Variants in ATP10A observed in about 807,000 individuals in gnomAD.
ATP10A encodes phospholipid-transporting ATPase VA.
A neutral mutation model predicts 147.8 loss-of-function variants in ATP10A; 111 were observed. That is an observed-to-expected ratio of 0.75 (90% CI 0.64 to 0.88). The LOEUF is 0.88. Among genes scored for constraint, ATP10A ranks in the 40% least tolerant of loss-of-function variants. The probability of loss-of-function intolerance (pLI) is 0.00; values close to 1 mark genes in which losing one functional copy is unlikely to be tolerated. For synonymous variants in ATP10A, 875 were observed against 841.6 expected (o/e 1.04, Z -0.69); for missense variants, 1,927 against 1,959.0 (o/e 0.98, Z 0.31).
chr15:25,800,992 T>C (rs542460961), intron 1 of ATP10A, among the ~76,000 whole-genome samples: 8 of 152,306 alleles, frequency 5.3e-5, no homozygotes, highest in African/African-American at 1.9e-4. Flanking sequence ...GTTTGGTAAG[T>C]CTGCTCCAGA....
At chr15:25,676,605 G>A (rs984473796), downstream of ATP10A, among the ~76,000 whole-genome samples, 3 of 152,178 alleles carry the variant, frequency 2.0e-5, no homozygotes, top group East Asian at 1.9e-4. Flanking sequence ...TGAGTTTCAC[G>A]TATTTTAAAG....
intron 3 of ATP10A, among the ~76,000 whole-genome samples, chr15:25,732,145 CA>C (rs1476305740): frequency 3.9e-5 from 6 of 152,194 alleles, no homozygotes; most frequent in Non-Finnish European, 7.3e-5. Context: ...GGATTACAGG[CA>C]TGAGCCACTG....
At chr15:25,780,386 C>T (rs1889856536) in intron 2 of ATP10A, among the ~76,000 whole-genome samples, 1 of 152,266 alleles carries the variant, frequency 6.6e-6, no homozygotes, top group South Asian at 2.1e-4. Context: ...CTGAGGGCTC[C>T]TGCCCCTGTC....
At chr15:25,726,132 G>A in intron 4 of ATP10A, 50 bp from the exon 5 acceptor site, 2 of 1,590,340 alleles carry the variant, frequency 1.3e-6, no homozygotes, top group Non-Finnish European at 1.7e-6. Flanking sequence ...GGAGCTAAGG[G>A]ACCAGCTGCA....
chr15:25,736,063 C>T lies in ATP10A; in HGVS notation c.733G>A (p.Gly245Ser), dbSNP rs761166608. The stretch of plus-strand genomic sequence containing the variant: ...CAGACACACGATACTCACATGCAGC[C>T]GCGAAACCTACTCAGGTCGTTGTTT... ...KPNNDLSRFR[G>S]CIIHDNGKKA... The change falls in exon 3 of 21, where the codon GGC (glycine) becomes AGC (serine). Residue 245 changes from glycine (G) to serine (S), a missense_variant. Coordinates refer to ENST00000555815, the MANE Select transcript of ATP10A (RefSeq NM_024490.4). The T allele has an allele frequency of 6.2e-6, 10 of 1,613,536 alleles. No homozygotes were observed. Among genetic ancestry groups the T allele is most frequent in the East Asian group, 2.2e-5 (1 of 44,884 alleles).
chr15:25,778,714 G>A (rs376830333), intron 2 of ATP10A, among the ~76,000 whole-genome samples: 91 of 152,214 alleles, frequency 6.0e-4, no homozygotes, highest in African/African-American at 2.0e-3. Flanking sequence ...GTCTGCAGCC[G>A]TCCTCGAGTT....
chr15:25,741,722 T>C (rs1174195623), intron 2 of ATP10A, among the ~76,000 whole-genome samples: 1 of 152,232 alleles, frequency 6.6e-6, no homozygotes, highest in East Asian at 1.9e-4. Context: ...GAATTTACTT[T>C]TTCACTGCCA....
intron 1 of ATP10A, among the ~76,000 whole-genome samples, chr15:25,845,353 T>TGC (rs1892974451): frequency 6.6e-6 from 1 of 151,172 alleles, no homozygotes; most frequent in African/African-American, 2.5e-5. Context: ...TGTGTGTGTG[T>TGC]GTCAGGCCAC....
rs1196066477 is a variant in ATP10A, at chr15:25,679,645, C to T, written c.4196G>A (p.Gly1399Glu). The stretch of plus-strand genomic sequence containing the variant: ...TCCTGGACTCCTCAGGACAGCCTCC[C>T]CTGGCGCAGAGGACATGGGGGCCGG... ...SAPAPMSSAP[G>E]EAVLRSPGGC... The change falls in exon 21 of 21, where the codon GGG becomes GAG. Residue 1399 changes from glycine to glutamate, a missense_variant. Physicochemically the swap from Gly to Glu is moderately conservative, Grantham distance 98. Transcript: ENST00000555815. The T allele has an allele frequency of 6.2e-7, 1 of 1,613,410 alleles. No homozygotes were observed.
intron 2 of ATP10A, among the ~76,000 whole-genome samples, chr15:25,753,072 AG>A (rs752204908): frequency 7.2e-5 from 11 of 152,230 alleles, no homozygotes; most frequent in Non-Finnish European, 1.3e-4. Flanking sequence ...TATCACTCCA[AG>A]TACCTGACGA....
chr15:25,757,594 G>C (rs1290478789), intron 2 of ATP10A, among the ~76,000 whole-genome samples: 1 of 152,122 alleles, frequency 6.6e-6, no homozygotes, highest in Non-Finnish European at 1.5e-5. Flanking sequence ...GCAGTAAATA[G>C]GAGAGATGAG....
At chr15:25,731,610 G>T (rs1442635075) in intron 3 of ATP10A, among the ~76,000 whole-genome samples, 1 of 152,136 alleles carries the variant, frequency 6.6e-6, no homozygotes, top group African/African-American at 2.4e-5. Context: ...AGGCCTCTCT[G>T]GGAGATGACA....
intron 1 of ATP10A, among the ~76,000 whole-genome samples, chr15:25,811,507 C>A (rs532660187): frequency 1.3e-5 from 2 of 152,138 alleles, no homozygotes; most frequent in East Asian, 3.9e-4. Context: ...ACTGCACACC[C>A]GGGCATCCCT....
chr15:25,802,666 G>A (rs149261110), intron 1 of ATP10A, among the ~76,000 whole-genome samples: 43 of 152,228 alleles, frequency 2.8e-4, no homozygotes, highest in African/African-American at 6.7e-4. Flanking sequence ...GCTCACGGCC[G>A]GCCGCCTTCT....
At chr15:25,759,331 T>C (rs1411224706) in intron 2 of ATP10A, among the ~76,000 whole-genome samples, 1 of 152,188 alleles carries the variant, frequency 6.6e-6, no homozygotes, top group Admixed American at 6.5e-5. Context: ...TTAAGCAAGA[T>C]GTAGGTTTGT....
chr15:25,683,157 G>T, intron 17 of ATP10A, 129 bp downstream of exon 17: 1 of 865,698 alleles, frequency 1.2e-6, no homozygotes, highest in South Asian at 1.7e-5. Flanking sequence ...CTCTAGAATG[G>T]TGAATTCTAG....
chr15:25,742,931 C>T (rs565446106), intron 2 of ATP10A, among the ~76,000 whole-genome samples: 2 of 152,342 alleles, frequency 1.3e-5, no homozygotes, highest in African/African-American at 4.8e-5. Context: ...CCACAGGCCA[C>T]TTAGTGCCTC....
At chr15:25,862,580 A>C (rs1893810350) in intron 1 of ATP10A, 68 bp downstream of exon 1, 2 of 1,432,648 alleles carry the variant, frequency 1.4e-6, no homozygotes, top group Non-Finnish European at 1.8e-6. Flanking sequence ...CACTGTGCCC[A>C]ACACCAAGTT....
At chr15:25,718,084 A>T (rs1901933079) in intron 8 of ATP10A, 98 bp downstream of exon 8, 1 of 1,288,520 alleles carries the variant, frequency 7.8e-7, no homozygotes, top group African/African-American at 1.5e-5. Flanking sequence ...GCGACAGTGT[A>T]TTTGTAGGAT....
Sources: gnomAD v4.1 joint callset for allele counts (sites outside exome capture counted in the v4.1 genomes callset) on GRCh38, gnomAD v4.1.1 for gene constraint, MANE v1.5 for transcripts, NCBI Gene and HGNC (gene_info 2026-07-23, HGNC 2026-07-21) for gene names.